Variants in LMNTD1 observed in about 807,000 individuals in gnomAD.
LMNTD1 encodes the protein lamin tail domain-containing protein 1.
LMNTD1 carries 35 observed loss-of-function variants against 50.9 expected under a neutral mutation model. The observed-to-expected ratio is 0.69, with a 90% CI of 0.53 to 0.91. LMNTD1 has a LOEUF of 0.91. LMNTD1 is among the 40% of genes least tolerant of loss of function. The probability of loss-of-function intolerance (pLI) is 0.00; values close to 1 mark genes in which losing one functional copy is unlikely to be tolerated. For missense variants in LMNTD1, 470 were observed against 475.5 expected (o/e 0.99, Z 0.11); for synonymous variants, 153 against 161.9 (o/e 0.94, Z 0.42).
At chr12:25,591,719 T>C (rs772076645) in intron 1 of LMNTD1, among the ~76,000 whole-genome samples, 2 of 151,276 alleles carry the variant, frequency 1.3e-5, no homozygotes, top group Non-Finnish European at 2.9e-5. Flanking sequence ...CTCAGCTGTG[T>C]ACTGGCTTCA....
At chr12:25,480,119 G>A (rs150818322) in intron 9 of LMNTD1, among the ~76,000 whole-genome samples, 18 of 152,298 alleles carry the variant, frequency 1.2e-4, no homozygotes, top group African/African-American at 4.3e-4. Flanking sequence ...GAGCACTCAC[G>A]TACAATACAA....
At chr12:25,634,229 C>T (rs544180343) in intron 1 of LMNTD1, among the ~76,000 whole-genome samples, 5 of 152,246 alleles carry the variant, frequency 3.3e-5, no homozygotes, top group African/African-American at 4.8e-5. Context: ...TAGATGGATT[C>T]GCAGCAGAAT....
At chr12:25,512,354 A>G (rs1042748191) in intron 8 of LMNTD1, among the ~76,000 whole-genome samples, 6 of 152,228 alleles carry the variant, frequency 3.9e-5, no homozygotes, top group Non-Finnish European at 8.8e-5. Context: ...TGCTTTAGGG[A>G]GCAAAGGAGG....
chr12:25,509,316 C>G (rs1174194263), intron 8 of LMNTD1, among the ~76,000 whole-genome samples: 3 of 152,134 alleles, frequency 2.0e-5, no homozygotes, highest in Non-Finnish European at 4.4e-5. Context: ...CCATGTTGGC[C>G]AGGCTGGTCT....
intron 1 of LMNTD1, among the ~76,000 whole-genome samples, chr12:25,616,728 A>T (rs1406594566): frequency 6.6e-6 from 1 of 152,202 alleles, no homozygotes; most frequent in African/African-American, 2.4e-5. Context: ...CAATTATTTC[A>T]AAATAAAAAG....
At chr12:25,487,683 T>C (rs1254335107) in intron 9 of LMNTD1, among the ~76,000 whole-genome samples, 2 of 131,072 alleles carry the variant, frequency 1.5e-5, no homozygotes, top group African/African-American at 5.8e-5. Context: ...CATTATGATG[T>C]TAGCTGGTGA....
At chr12:25,537,627 A>T (rs1421074176) in intron 4 of LMNTD1, among the ~76,000 whole-genome samples, 3 of 151,688 alleles carry the variant, frequency 2.0e-5, no homozygotes, top group Admixed American at 1.3e-4. Context: ...TGGGGAAAAA[A>T]CAGAAGAGAA....
chr12:25,550,317 G>A (rs750431219), intron 2 of LMNTD1, among the ~76,000 whole-genome samples: 1 of 152,146 alleles, frequency 6.6e-6, no homozygotes, highest in Non-Finnish European at 1.5e-5. Context: ...TCATTGACAT[G>A]AATCCTGAAA....
chr12:25,640,588 T>C (rs1017048740), intron 1 of LMNTD1, among the ~76,000 whole-genome samples: 2 of 152,134 alleles, frequency 1.3e-5, no homozygotes, highest in Admixed American at 1.3e-4. Flanking sequence ...CATTAAATAA[T>C]GTTATTTAAA....
chr12:25,616,621 T>C (rs1239564651), intron 1 of LMNTD1, among the ~76,000 whole-genome samples: 5 of 152,204 alleles, frequency 3.3e-5, no homozygotes, highest in African/African-American at 4.8e-5. Flanking sequence ...GGTTGTGATA[T>C]TGTACTGCAG....
At chr12:25,501,416 G>A (rs1009236575) in intron 9 of LMNTD1, among the ~76,000 whole-genome samples, 8 of 152,156 alleles carry the variant, frequency 5.3e-5, no homozygotes, top group African/African-American at 1.9e-4. Context: ...CTCCTTTTGT[G>A]AATGAAAATG....
intron 1 of LMNTD1, among the ~76,000 whole-genome samples, chr12:25,631,303 TC>T (rs1436930014): frequency 6.6e-6 from 1 of 152,184 alleles, no homozygotes; most frequent in Non-Finnish European, 1.5e-5. Context: ...GCTGATGCTC[TC>T]TGGAAAGCGC....
chr12:25,589,728 C>A (rs1368565670), intron 1 of LMNTD1, among the ~76,000 whole-genome samples: 1 of 152,196 alleles, frequency 6.6e-6, no homozygotes, highest in South Asian at 2.1e-4. Flanking sequence ...ATCTTCATGG[C>A]ACAAATATTC....
chr12:25,559,988 A>C (rs1802340967), intron 1 of LMNTD1, among the ~76,000 whole-genome samples: 2 of 152,128 alleles, frequency 1.3e-5, no homozygotes, highest in South Asian at 2.1e-4. Context: ...CCCATTCTGT[A>C]AGTTGCCTGT....
At chr12:25,532,307 T>C (rs573225669) in intron 4 of LMNTD1, among the ~76,000 whole-genome samples, 5 of 152,308 alleles carry the variant, frequency 3.3e-5, no homozygotes, top group African/African-American at 9.6e-5. Context: ...TTAAATTAAA[T>C]GTGAAATAAT....
At chr12:25,508,013 GT>G (rs528443379) in intron 8 of LMNTD1, among the ~76,000 whole-genome samples, 57 of 144,528 alleles carry the variant, frequency 3.9e-4, no homozygotes, top group African/African-American at 5.8e-4. Flanking sequence ...TCATCAACGT[GT>G]TTTTTTTTTT....
At chr12:25,586,498 T>C (rs982234963) in intron 1 of LMNTD1, among the ~76,000 whole-genome samples, 1 of 152,190 alleles carries the variant, frequency 6.6e-6, no homozygotes, top group African/African-American at 2.4e-5. Flanking sequence ...CCACTTTCAT[T>C]TTTTCTCCTC....
chr12:25,569,997 T>TG (rs1299781161), intron 1 of LMNTD1, among the ~76,000 whole-genome samples: 1 of 152,248 alleles, frequency 6.6e-6, no homozygotes, highest in East Asian at 1.9e-4. Context: ...AATCGATGCC[T>TG]TTAGCAGTCA....
At chr12:25,635,734 T>A (rs1266819118) in intron 1 of LMNTD1, among the ~76,000 whole-genome samples, 4 of 152,172 alleles carry the variant, frequency 2.6e-5, no homozygotes, top group Non-Finnish European at 5.9e-5. Flanking sequence ...GATTTCAAAC[T>A]ATACTATAAG....
Sources: allele counts gnomAD v4.1 joint callset (sites outside exome capture counted in the v4.1 genomes callset), GRCh38; gene constraint gnomAD v4.1.1; transcripts MANE v1.5; gene names NCBI Gene and HGNC (gene_info 2026-07-23, HGNC 2026-07-21).